The following PRKCB variants were observed in gnomAD, a reference collection of about 807,000 sequenced individuals.
PRKCB encodes the protein protein kinase C beta type.
PRKCB carries 13 observed loss-of-function variants against 81.5 expected under a neutral mutation model. That is an observed-to-expected ratio of 0.16 (90% CI 0.10 to 0.25). The LOEUF (loss-of-function observed/expected upper bound fraction) is 0.25, where lower values mean the gene tolerates loss of function less well. Among genes scored for constraint, PRKCB ranks in the 10% least tolerant of loss-of-function variants. The pLI, the probability that PRKCB is intolerant of heterozygous loss-of-function variation, is 1.00. For synonymous variants in PRKCB, 335 were observed against 321.4 expected, an observed-to-expected ratio of 1.04 and a Z score of -0.45; for missense variants, 509 against 875.7, an observed-to-expected ratio of 0.58 and a Z score of 5.29.
chr16:24,135,273 A>G (rs1966860973), intron 9 of PRKCB, among the ~76,000 whole-genome samples: 1 of 146,560 alleles, frequency 6.8e-6, no homozygotes, highest in Non-Finnish European at 1.5e-5. Context: ...AGCATGAGAG[A>G]GCATTCCAGA....
chr16:23,836,362 C>T lies in PRKCB; in HGVS notation c.173+14C>T. 1 of 1,593,510 alleles carries T rather than the reference C, an allele frequency of 6.3e-7. No homozygotes were observed. The highest frequency in any genetic ancestry group is 8.5e-7 in the Non-Finnish European group (1 of 1,171,350). ...CGACTTCATCTGGTGAGCGCGCGCG[C>T]GCAGGGCACCTTCCCGGGCCCCCGA... On this transcript the variant is annotated intron_variant, in intron 1 of 16. Transcript: ENST00000643927.
At chr16:23,902,668 G>A (rs1360556942) in intron 2 of PRKCB, among the ~76,000 whole-genome samples, 2 of 151,630 alleles carry the variant, frequency 1.3e-5, no homozygotes, top group Non-Finnish European at 2.9e-5. Context: ...GATGGTAACT[G>A]TCATCTCTTG....
At chr16:24,125,081 CTATAATTAATTG>C (rs1966840597) in intron 9 of PRKCB, among the ~76,000 whole-genome samples, 1 of 67,182 alleles carries the variant, frequency 1.5e-5, no homozygotes, top group Non-Finnish European at 2.7e-5. Flanking sequence ...TAATCGTTAC[CTATAATTAATTG>C]CAATCCCAAT....
chr16:23,928,875 T>C (rs1963933432), intron 2 of PRKCB, among the ~76,000 whole-genome samples: 1 of 151,824 alleles, frequency 6.6e-6, no homozygotes, highest in African/African-American at 2.4e-5. Context: ...CCCACAACCA[T>C]ACCTGGCTAA....
intron 2 of PRKCB, among the ~76,000 whole-genome samples, chr16:23,911,794 G>A (rs1171334132): frequency 2.7e-5 from 4 of 147,040 alleles, no homozygotes; most frequent in Non-Finnish European, 6.0e-5. Flanking sequence ...AGATACTGCC[G>A]TTTGTCTTGT....
intron 7 of PRKCB, among the ~76,000 whole-genome samples, chr16:24,112,097 T>C (rs888745046): frequency 1.3e-5 from 2 of 152,206 alleles, no homozygotes; most frequent in African/African-American, 2.4e-5. Context: ...AAAGGCTGAC[T>C]ACAGCACATT....
At chr16:23,882,153 C>T (rs1015545922) in intron 2 of PRKCB, among the ~76,000 whole-genome samples, 1 of 148,864 alleles carries the variant, frequency 6.7e-6, no homozygotes, top group East Asian at 2.0e-4. Flanking sequence ...AATCACAGCT[C>T]ATGGCAGCCT....
In PRKCB at chr16:24,154,830, C is replaced by T; in HGVS notation, c.1212C>T (p.Thr404=). The T allele has an allele frequency of 2.5e-6, 4 of 1,614,016 alleles. No individual in the cohort carries two copies. Among genetic ancestry groups the T allele is most frequent in the Non-Finnish European group, 3.4e-6 (4 of 1,179,976 alleles). ...TGCCTGGGAAGCCGCCCTTCCTGAC[C>T]CAGCTCCACTCCTGCTTCCAGACCA... The part of the protein sequence containing the change: ...LALPGKPPFL[T]QLHSCFQTMD... Residue 404 remains threonine (T), a synonymous_variant, in exon 10 of 17, where the codon ACC becomes ACT. Coordinates refer to ENST00000643927, the MANE Select transcript of PRKCB (RefSeq NM_002738.7).
chr16:24,005,311 G>A (rs1018494955), intron 3 of PRKCB, among the ~76,000 whole-genome samples: 1 of 152,020 alleles, frequency 6.6e-6, no homozygotes, highest in Admixed American at 6.6e-5. Context: ...AAAGCCAAAG[G>A]CCACATTCCC....
At chr16:23,938,211 T>C (rs1964088301) in intron 2 of PRKCB, among the ~76,000 whole-genome samples, 1 of 152,188 alleles carries the variant, frequency 6.6e-6, no homozygotes, top group African/African-American at 2.4e-5. Context: ...CTTAAGACAA[T>C]GCAGCTGCGT....
At position 23,940,760 on chromosome 16, in the gene PRKCB, C is replaced by T. The variant is rs141871982; in HGVS notation, c.206-47748C>T. ...ATCCAGAGATAGAAAAATTATAAGA[C>T]GAGATGTGCTATTACAATGGTGTTC... On this transcript the variant is annotated intron_variant, in intron 2 of 16. Transcript: ENST00000643927. Among the ~76,000 whole-genome samples the T allele has an allele frequency of 1.7e-3, 263 of 152,006 alleles. 2 individuals carry two copies. The highest frequency in any genetic ancestry group is 5.5e-3 in the African/African-American group (230 of 41,456).
intron 5 of PRKCB, among the ~76,000 whole-genome samples, chr16:24,071,026 C>A (rs932210619): frequency 6.6e-6 from 1 of 152,070 alleles, no homozygotes; most frequent in African/African-American, 2.4e-5. Context: ...AGGGAGGGAA[C>A]CATCTGGACA....
At chr16:23,991,514 G>T (rs922653538) in intron 3 of PRKCB, among the ~76,000 whole-genome samples, 1 of 152,180 alleles carries the variant, frequency 6.6e-6, no homozygotes, top group African/African-American at 2.4e-5. Context: ...CAAGAAGATG[G>T]TGTTTCCCAT....
rs975667798 is a variant in PRKCB, at chr16:24,212,461, CTTTTTTTTTTTT to C, written c.1864-2182_1864-2171del. ...CTCTCTCCTCCTGTGCTTTTTTTTC[CTTTTTTTTTTTT>C]TTTTTTTTTTTTTTCCTTTTTGGAG... On this transcript the variant is annotated intron_variant, in intron 16 of 16. Transcript: ENST00000643927. Among the ~76,000 whole-genome samples the C allele has an allele frequency of 7.2e-3, 563 of 78,040 alleles. 7 individuals carry two copies. Among genetic ancestry groups the C allele is most frequent in the African/African-American group, 0.026 (535 of 20,208 alleles). The allele number at this position is 78,040 out of a possible 152,430, so 51.2% of individuals were successfully genotyped here. A position where few individuals can be genotyped will look rare whatever the true frequency, so the allele number is the denominator to read the frequency against.
At chr16:23,976,996 G>A (rs1343395417) in intron 2 of PRKCB, among the ~76,000 whole-genome samples, 1 of 152,136 alleles carries the variant, frequency 6.6e-6, no homozygotes, top group Non-Finnish European at 1.5e-5. Context: ...ACATTATAAA[G>A]GAAAACAGTC....
At chr16:24,154,973 A>G in intron 10 of PRKCB, 116 bp downstream of exon 10, 2 of 1,255,574 alleles carry the variant, frequency 1.6e-6, no homozygotes, top group Non-Finnish European at 2.2e-6. Context: ...TTCTAGACAC[A>G]GAAAGATGTA....
At chr16:24,088,765 T>C (rs1397537543) in intron 5 of PRKCB, among the ~76,000 whole-genome samples, 1 of 151,216 alleles carries the variant, frequency 6.6e-6, no homozygotes, top group Non-Finnish European at 1.5e-5. Context: ...GTCTTGAGAT[T>C]GACAGCTTCA....
intron 2 of PRKCB, among the ~76,000 whole-genome samples, chr16:23,945,747 G>A (rs1241870591): frequency 6.6e-6 from 1 of 151,902 alleles, no homozygotes; most frequent in African/African-American, 2.4e-5. Context: ...AAAAGAAAAA[G>A]AAAACAAAAA....
chr16:24,039,112 G>C (rs1407926585), intron 5 of PRKCB, among the ~76,000 whole-genome samples: 1 of 152,182 alleles, frequency 6.6e-6, no homozygotes, highest in African/African-American at 2.4e-5. Flanking sequence ...ACAGCAAGAA[G>C]GTGGCCGTCT....
Sources: gnomAD v4.1 joint callset for allele counts (sites outside exome capture counted in the v4.1 genomes callset) on GRCh38, gnomAD v4.1.1 for gene constraint, MANE v1.5 for transcripts, NCBI Gene and HGNC (gene_info 2026-07-23, HGNC 2026-07-21) for gene names.